SPSB4: variants seen among roughly 807,000 people sequenced by gnomAD.
SPSB4 encodes splA/ryanodine receptor domain and SOCS box containing 4, also known as SPRY domain-containing SOCS box protein 4.
In SPSB4, 21 loss-of-function variants were observed where a neutral mutation model predicts 20.9. The ratio of observed to expected loss-of-function variants is 1.01; its 90% CI spans 0.71 to 1.45. The LOEUF (loss-of-function observed/expected upper bound fraction) is 1.45. Among genes scored for constraint, SPSB4 ranks in the 40% most tolerant of loss-of-function variants. The probability of loss-of-function intolerance (pLI) is 0.00; values close to 1 mark genes in which losing one functional copy is unlikely to be tolerated. For synonymous variants in SPSB4, 207 were observed against 183.8 expected (o/e 1.13, Z -1.02); for missense variants, 399 against 399.2 (o/e 1.00, Z 0.00).
At chr3:141,111,354 CTTTTTTTTTT>C (rs34223433) in intron 2 of SPSB4, among the ~76,000 whole-genome samples, 2 of 61,810 alleles carry the variant, frequency 3.2e-5, no homozygotes, top group African/African-American at 1.3e-4. Context: ...CTGGAACTTG[CTTTTTTTTTT>C]TTTTTTTTTT....
chr3:141,126,997 C>T (rs922475), intron 2 of SPSB4, among the ~76,000 whole-genome samples: 4 of 152,210 alleles, frequency 2.6e-5, no homozygotes, highest in Non-Finnish European at 4.4e-5. Context: ...CTTCACTCCC[C>T]GCCCAACCCA....
At chr3:141,077,594 G>T (rs903751233) in intron 2 of SPSB4, 7 of 152,372 alleles carry the variant, frequency 4.6e-5, no homozygotes, top group African/African-American at 1.7e-4. Flanking sequence ...GTGAGAGCGT[G>T]TTTGCTTCTG....
intron 2 of SPSB4, among the ~76,000 whole-genome samples, chr3:141,105,849 C>A (rs1029965747): frequency 3.3e-5 from 5 of 152,216 alleles, no homozygotes; most frequent in Admixed American, 3.3e-4. Context: ...TTTTCCATCT[C>A]CCTTTCCTGG....
intron 2 of SPSB4, among the ~76,000 whole-genome samples, chr3:141,145,478 A>G (rs1939398637): frequency 6.6e-6 from 1 of 152,168 alleles, no homozygotes; most frequent in Non-Finnish European, 1.5e-5. Context: ...TGTAAAAAGT[A>G]CTTCACTGCA....
intron 2 of SPSB4, among the ~76,000 whole-genome samples, chr3:141,133,074 G>C (rs1055968510): frequency 6.6e-6 from 1 of 151,814 alleles, no homozygotes; most frequent in African/African-American, 2.4e-5. Flanking sequence ...TGAGCATTTT[G>C]TCATATGTTT....
intron 2 of SPSB4, among the ~76,000 whole-genome samples, chr3:141,111,537 G>C (rs972158512): frequency 6.6e-6 from 1 of 151,936 alleles, no homozygotes; most frequent in Non-Finnish European, 1.5e-5. Context: ...TGTTGAGGCA[G>C]GAAGAGGCCT....
chr3:141,112,062 C>T (rs1170233090), intron 2 of SPSB4, among the ~76,000 whole-genome samples: 1 of 152,204 alleles, frequency 6.6e-6, no homozygotes, highest in East Asian at 1.9e-4. Context: ...AGAACTGCAG[C>T]CCAGGGAGGC....
chr3:141,061,171 T>C (rs893321449), intron 1 of SPSB4, among the ~76,000 whole-genome samples: 1 of 152,218 alleles, frequency 6.6e-6, no homozygotes, highest in Non-Finnish European at 1.5e-5. Flanking sequence ...ATTTAAAGTA[T>C]ATTTAGTGAT....
At chr3:141,102,863 ACTC>A (rs1251798054) in intron 2 of SPSB4, among the ~76,000 whole-genome samples, 14 of 152,076 alleles carry the variant, frequency 9.2e-5, no homozygotes, top group Middle Eastern at 3.4e-3. Context: ...GCCTGGCAGA[ACTC>A]CTCAAGCCCT....
chr3:141,133,860 G>T (rs1414730629), intron 2 of SPSB4, among the ~76,000 whole-genome samples: 1 of 152,090 alleles, frequency 6.6e-6, no homozygotes, highest in East Asian at 1.9e-4. Context: ...CATTGAATTT[G>T]TAGATTGCTT....
intron 2 of SPSB4, among the ~76,000 whole-genome samples, chr3:141,139,971 C>A (rs1292898890): frequency 1.3e-5 from 2 of 152,128 alleles, no homozygotes; most frequent in African/African-American, 4.8e-5. Context: ...TCAGGTACAC[C>A]AATTAGATGT....
intron 2 of SPSB4, among the ~76,000 whole-genome samples, chr3:141,072,965 T>G (rs910831451): frequency 6.6e-6 from 1 of 152,232 alleles, no homozygotes; most frequent in African/African-American, 2.4e-5. Flanking sequence ...TATCAGTTAA[T>G]GTAGAGCTGC....
chr3:141,055,538 T>TA (rs1369067279), intron 1 of SPSB4, among the ~76,000 whole-genome samples: 1 of 151,996 alleles, frequency 6.6e-6, no homozygotes, highest in African/African-American at 2.4e-5. Context: ...TGGTCCAACT[T>TA]ACCTGTTGGC....
In SPSB4 at chr3:141,051,569, T is replaced by G. The variant is rs928725934; in HGVS notation, c.-577T>G. On this transcript the variant is annotated 5_prime_UTR_variant, in exon 1 of 3. Coordinates refer to ENST00000310546, the MANE Select transcript of SPSB4 (RefSeq NM_080862.3). ...CTACCGCTGCGTGCGCTCAGGGCGC[T>G]GGGGAAGACGCCCGGCGCGCCGGGG... 2.1e-5 allele frequency: 3 copies of G among 141,104 alleles called. No individual in the cohort carries two copies. The highest frequency in any genetic ancestry group is 6.9e-5 in the Admixed American group (1 of 14,398). The allele number at this position is 141,104 out of a possible 1,614,324, so 8.7% of individuals were successfully genotyped here. A position where few individuals can be genotyped will look rare whatever the true frequency, so the allele number is the denominator to read the frequency against.
intron 2 of SPSB4, among the ~76,000 whole-genome samples, chr3:141,067,368 C>G (rs752394614): frequency 6.6e-6 from 1 of 152,212 alleles, no homozygotes; most frequent in Non-Finnish European, 1.5e-5. Context: ...ACAGCTGCCT[C>G]TTATCTCCAG....
intron 2 of SPSB4, among the ~76,000 whole-genome samples, chr3:141,123,816 C>G (rs905284962): frequency 1.3e-5 from 2 of 152,180 alleles, no homozygotes; most frequent in African/African-American, 4.8e-5. Flanking sequence ...CCAGAGGCAC[C>G]CCCACCTGAC....
chr3:141,068,454 T>C (rs1347091774), intron 2 of SPSB4, among the ~76,000 whole-genome samples: 1 of 152,190 alleles, frequency 6.6e-6, no homozygotes, highest in Non-Finnish European at 1.5e-5. Context: ...CAATCTTTAT[T>C]TAATGGAATT....
intron 1 of SPSB4, among the ~76,000 whole-genome samples, chr3:141,062,178 G>T (rs1165268907): frequency 6.6e-6 from 1 of 152,146 alleles, no homozygotes; most frequent in East Asian, 1.9e-4. Context: ...GTATTTTGTG[G>T]GATGGCCTCC....
chr3:141,069,640 C>T (rs1937957295), intron 2 of SPSB4, among the ~76,000 whole-genome samples: 1 of 152,190 alleles, frequency 6.6e-6, no homozygotes, highest in South Asian at 2.1e-4. Context: ...GGGTCAGACC[C>T]TGGCCCCAGC....
Sources: gnomAD v4.1 joint callset for allele counts (sites outside exome capture counted in the v4.1 genomes callset) on GRCh38, gnomAD v4.1.1 for gene constraint, MANE v1.5 for transcripts, NCBI Gene and HGNC (gene_info 2026-07-23, HGNC 2026-07-21) for gene names.